Variants in DEPDC5 observed in about 807,000 individuals in gnomAD.
DEPDC5 encodes DEP domain containing 5, GATOR1 subcomplex subunit.
A neutral mutation model predicts 217.3 loss-of-function variants in DEPDC5; 73 were observed. That is an observed-to-expected ratio of 0.34 (90% CI 0.28 to 0.41). The LOEUF (loss-of-function observed/expected upper bound fraction) is 0.41. Among genes scored for constraint, DEPDC5 ranks in the 10% least tolerant of loss-of-function variants. The pLI is 1.00. For missense variants in DEPDC5, 1,675 were observed against 2,070.1 expected, an observed-to-expected ratio of 0.81 and a Z score of 3.70; for synonymous variants, 733 against 756.7, an observed-to-expected ratio of 0.97 and a Z score of 0.51.
Position 31,802,801 on chromosome 22 carries a change from A to G in DEPDC5, c.1044A>G (p.Leu348=), listed in dbSNP as rs1289479084. The G allele has an allele frequency of 1.2e-6, 2 of 1,607,602 alleles. No individual in the cohort carries two copies. Among genetic ancestry groups the G allele is most frequent in the South Asian group, 1.1e-5 (1 of 89,468 alleles). ...PGVGVFEVDR[L]LMILTKQRMI... ...TGGGTGTCTTTGAAGTGGACCGCCT[A>G]CTCATGATCCTGACCAAGCAGCGGA... Residue 348 remains leucine (L), a synonymous_variant, in exon 15 of 43, where the codon CTA becomes CTG. Transcript: ENST00000651528.
intron 7 of DEPDC5, among the ~76,000 whole-genome samples, chr22:31,776,505 A>C (rs1195591782): frequency 1.3e-5 from 2 of 151,356 alleles, no homozygotes; most frequent in African/African-American, 4.9e-5. Flanking sequence ...ATTCTTGCCT[A>C]GACCAGTTTC....
chr22:31,839,507 T>C (rs1372404674), intron 27 of DEPDC5, among the ~76,000 whole-genome samples: 2 of 124,562 alleles, frequency 1.6e-5, no homozygotes, highest in African/African-American at 6.6e-5. Context: ...CTCTTCATTA[T>C]TGCTAACAAG....
intron 38 of DEPDC5, among the ~76,000 whole-genome samples, chr22:31,880,885 G>T (rs887874106): frequency 3.9e-5 from 6 of 152,086 alleles, no homozygotes; most frequent in African/African-American, 1.4e-4. Flanking sequence ...TTAGCCAGGC[G>T]TGACAGTGTG....
intron 38 of DEPDC5, among the ~76,000 whole-genome samples, chr22:31,882,814 G>A (rs1166478637): frequency 5.3e-5 from 8 of 151,570 alleles, no homozygotes; most frequent in Admixed American, 5.3e-4. Context: ...AATAGAGACA[G>A]GGTCTCCCTA....
intron 10 of DEPDC5, among the ~76,000 whole-genome samples, chr22:31,791,344 A>T (rs1251599819): frequency 1.3e-5 from 2 of 152,026 alleles, no homozygotes; most frequent in African/African-American, 4.8e-5. Context: ...AGCCACCTGG[A>T]TTAAGAATAT....
chr22:31,875,207 G>A (rs1053118070), intron 36 of DEPDC5: 1 of 167,034 alleles, frequency 6.0e-6, no homozygotes, highest in African/African-American at 2.4e-5. Context: ...GGGTCTTGAT[G>A]TGCTGTTTTG....
At chr22:31,766,070 A>G (rs1194253468) in intron 5 of DEPDC5, among the ~76,000 whole-genome samples, 1 of 152,244 alleles carries the variant, frequency 6.6e-6, no homozygotes, top group Non-Finnish European at 1.5e-5. Context: ...CATGTCATTT[A>G]GAATGTAGGC....
intron 40 of DEPDC5, among the ~76,000 whole-genome samples, chr22:31,900,895 G>GT (rs1160904826): frequency 6.6e-6 from 1 of 152,090 alleles, no homozygotes; most frequent in African/African-American, 2.4e-5. Flanking sequence ...GGACAACATA[G>GT]TGAGATGCCA....
At chr22:31,816,503 T>C (rs551506362) in intron 21 of DEPDC5, 1 of 152,270 alleles carries the variant, frequency 6.6e-6, no homozygotes, top group Non-Finnish European at 1.5e-5. Context: ...TGATCTCAGC[T>C]CACTGCAACC....
At chr22:31,827,672 G>A (rs1377318730) in intron 24 of DEPDC5, among the ~76,000 whole-genome samples, 3 of 151,694 alleles carry the variant, frequency 2.0e-5, no homozygotes, top group East Asian at 1.9e-4. Context: ...ATGTCATGTG[G>A]CTGCTTGTTA....
chr22:31,809,529 A>G, intron 18 of DEPDC5, 82 bp from the exon 19 acceptor site: 1 of 1,457,828 alleles, frequency 6.9e-7, no homozygotes, highest in Non-Finnish European at 9.6e-7. Context: ...CTTCCCTGGG[A>G]GCAGCACATA....
In DEPDC5 at chr22:31,896,267, A is replaced by C. The variant is rs543225967; in HGVS notation, c.4204-1215A>C. ...GCAATGTCCACATTTGTTAAAAATC[A>C]GATTTTATTGAGACAAATACTACAT... On this transcript the variant is annotated intron_variant, in intron 39 of 42. Coordinates refer to ENST00000651528, the MANE Select transcript of DEPDC5 (RefSeq NM_001242896.3). Among the ~76,000 whole-genome samples, 3 of 152,368 alleles carry C rather than the reference A, an allele frequency of 2.0e-5. No individual in the cohort carries two copies. The South Asian group carries it at 6.2e-4, about 32-fold the overall frequency.
intron 22 of DEPDC5, among the ~76,000 whole-genome samples, chr22:31,820,112 T>TTGTGTG (rs3069112): frequency 2.3e-3 from 356 of 151,494 alleles, no homozygotes; most frequent in African/African-American, 7.6e-3. Flanking sequence ...CTCCAGGATT[T>TTGTGTG]TGTGTGTGTG....
At chr22:31,856,150 A>AACAC (rs1165235943) in intron 31 of DEPDC5, among the ~76,000 whole-genome samples, 1 of 73,508 alleles carries the variant, frequency 1.4e-5, no homozygotes, top group African/African-American at 8.6e-5. Flanking sequence ...GAGTTGGGCC[A>AACAC]ACGCGCACAC....
chr22:31,760,870 G>A (rs1164835242), intron 4 of DEPDC5, among the ~76,000 whole-genome samples, 168 bp downstream of exon 4: 1 of 152,012 alleles, frequency 6.6e-6, no homozygotes, highest in Non-Finnish European at 1.5e-5. Flanking sequence ...TTGTTACATG[G>A]GTATATTGTG....
intron 37 of DEPDC5, among the ~76,000 whole-genome samples, chr22:31,878,535 C>T (rs1326082812): frequency 3.3e-5 from 5 of 151,126 alleles, no homozygotes; most frequent in African/African-American, 1.2e-4. Flanking sequence ...TAGCGAAACC[C>T]CATCTCTACA....
rs1240093360 is a variant in DEPDC5 at position 31,870,112 on chromosome 22, A to C, written c.3331-478A>C. Among the ~76,000 whole-genome samples, 3 of 152,168 alleles carry C rather than the reference A, an allele frequency of 2.0e-5. No individual in the cohort carries two copies. The East Asian group carries it at 5.8e-4, about 29-fold the overall frequency. On this transcript the variant is annotated intron_variant, in intron 33 of 42. Coordinates refer to ENST00000651528, the MANE Select transcript of DEPDC5 (RefSeq NM_001242896.3). ...TAGAAGAAAGGAGGTTTTGGGTGGG[A>C]AAGGGTGAGTCACGGTAGGCAGAAG...
At chr22:31,784,720 G>T (rs751671070) in intron 9 of DEPDC5, 94 bp from the exon 10 acceptor site, 6 of 1,228,162 alleles carry the variant, frequency 4.9e-6, no homozygotes, top group Non-Finnish European at 5.9e-6. Flanking sequence ...GCTTAGAGAA[G>T]AATTTACTTA....
Position 31,765,106 on chromosome 22 carries a change from C to T in DEPDC5, c.279+46C>T, listed in dbSNP as rs74331125. The T allele has an allele frequency of 0.091, 131,729 of 1,449,258 alleles. 6,866 individuals are homozygous for T. Among genetic ancestry groups the T allele is most frequent in the South Asian group, 0.18 (15,428 of 87,136 alleles). The allele number at this position is 1,449,258 out of a possible 1,614,324, so 89.8% of individuals were successfully genotyped here. On this transcript the variant is annotated intron_variant, in intron 5 of 42. Transcript: ENST00000651528. Reference sequence around the variant, plus strand: ...TGAATATCTTTTTGGAATAAGCACCCTTCCTCAAGGTTAGATTACTAAGGA... The same window carrying T: ...TGAATATCTTTTTGGAATAAGCACCTTTCCTCAAGGTTAGATTACTAAGGA...
Sources: allele counts gnomAD v4.1 joint callset (sites outside exome capture counted in the v4.1 genomes callset), GRCh38; gene constraint gnomAD v4.1.1; transcripts MANE v1.5; gene names NCBI Gene and HGNC (gene_info 2026-07-23, HGNC 2026-07-21).